Variants in MAPRE2 observed in about 807,000 individuals in gnomAD.
The protein encoded by MAPRE2 is microtubule associated protein RP/EB family member 2.
A neutral mutation model predicts 43.2 loss-of-function variants in MAPRE2; 13 were observed. That is an observed-to-expected ratio of 0.30 (90% CI 0.20 to 0.48). The LOEUF (loss-of-function observed/expected upper bound fraction) is 0.48, where lower values mean the gene tolerates loss of function less well. Among genes scored for constraint, MAPRE2 ranks in the 20% least tolerant of loss-of-function variants. MAPRE2 has a pLI of 0.99. For synonymous variants in MAPRE2, 135 were observed against 148.8 expected (o/e 0.91, Z 0.68); for missense variants, 161 against 400.2 (o/e 0.40, Z 5.10).
At chr18:35,128,206 G>A in intron 5 of MAPRE2, among the ~76,000 whole-genome samples, 1 of 152,228 alleles carries the variant, frequency 6.6e-6, no homozygotes, top group East Asian at 1.9e-4. Context: ...AAGCCATCCA[G>A]CAGGTAGGAC....
At position 34,991,239 on chromosome 18, in the gene MAPRE2, T is replaced by C. The variant is rs1189457038; in HGVS notation, c.-70+14160T>C. Among the ~76,000 whole-genome samples the C allele has an allele frequency of 3.3e-5, 5 of 152,252 alleles. No homozygotes were observed. The East Asian group carries it at 9.7e-4, about 29-fold the overall frequency. ...CAATTCCCTTTTGTAGTCCCCAGTGTCCATTGTTCCCGTCTTTACGTCTAT... is the reference window on the plus strand; with the variant it reads ...CAATTCCCTTTTGTAGTCCCCAGTGCCCATTGTTCCCGTCTTTACGTCTAT... On this transcript the variant is annotated intron_variant, in intron 1 of 7. Coordinates refer to the MAPRE2 transcript ENST00000413393.
chr18:35,092,186 C>A (rs1019891538), intron 2 of MAPRE2, among the ~76,000 whole-genome samples: 1 of 152,206 alleles, frequency 6.6e-6, no homozygotes, highest in Non-Finnish European at 1.5e-5. Context: ...TCCCACCAGG[C>A]CCCACCTCCA....
intron 1 of MAPRE2, among the ~76,000 whole-genome samples, chr18:35,063,705 A>G (rs75889337): frequency 6.6e-6 from 1 of 152,018 alleles, no homozygotes; most frequent in Non-Finnish European, 1.5e-5. Context: ...TAAAAACAAA[A>G]AAGTCAGGCT....
chr18:35,133,583 G>A (rs978588209), intron 6 of MAPRE2, among the ~76,000 whole-genome samples: 4 of 152,208 alleles, frequency 2.6e-5, no homozygotes, highest in East Asian at 1.9e-4. Context: ...AGTGAATGGC[G>A]CTGCTGTCTG....
chr18:35,107,105 T>TA (rs1908947445), intron 4 of MAPRE2, among the ~76,000 whole-genome samples: 3 of 152,164 alleles, frequency 2.0e-5, no homozygotes, highest in African/African-American at 7.2e-5. Context: ...TATATAAATA[T>TA]AGTGTGATAG....
intron 2 of MAPRE2, among the ~76,000 whole-genome samples, chr18:35,010,230 A>T (rs564393825): frequency 8.5e-5 from 13 of 152,266 alleles, no homozygotes; most frequent in Admixed American, 2.6e-4. Flanking sequence ...CTCTACAAAA[A>T]AAATAAATAA....
chr18:35,032,927 A>G (rs2097048535), intron 2 of MAPRE2, among the ~76,000 whole-genome samples: 1 of 152,134 alleles, frequency 6.6e-6, no homozygotes, highest in Admixed American at 6.6e-5. Flanking sequence ...GGAGCTTTTT[A>G]GTACAGATAG....
chr18:35,132,287 C>A, intron 6 of MAPRE2, 97 bp downstream of exon 6: 2 of 1,131,818 alleles, frequency 1.8e-6, no homozygotes, highest in Non-Finnish European at 2.5e-6. Flanking sequence ...CCCAGGACCT[C>A]AATGAGAATT....
intron 2 of MAPRE2, among the ~76,000 whole-genome samples, chr18:35,081,343 T>C (rs1907620384): frequency 6.6e-6 from 1 of 152,182 alleles, no homozygotes; most frequent in Non-Finnish European, 1.5e-5. Context: ...GCAAAGTATA[T>C]TTTGGGATTA....
intron 2 of MAPRE2, among the ~76,000 whole-genome samples, chr18:35,082,822 T>C (rs930685542): frequency 3.3e-5 from 5 of 152,158 alleles, no homozygotes; most frequent in Admixed American, 2.6e-4. Flanking sequence ...GAACTAACTG[T>C]ATGGAACTAA....
At chr18:34,992,229 A>G (rs1056164696) in intron 1 of MAPRE2, among the ~76,000 whole-genome samples, 5 of 152,230 alleles carry the variant, frequency 3.3e-5, no homozygotes, top group African/African-American at 9.6e-5. Context: ...TAGAGAAATG[A>G]TAAAGTGGAG....
chr18:35,040,934 C>T (rs1905310664), upstream of MAPRE2, among the ~76,000 whole-genome samples: 1 of 152,188 alleles, frequency 6.6e-6, no homozygotes, highest in Admixed American at 6.5e-5. Flanking sequence ...GGGAGAAAGG[C>T]AGAAATTTTA....
intron 1 of MAPRE2, among the ~76,000 whole-genome samples, chr18:35,066,301 G>A (rs1027400816): frequency 1.3e-5 from 2 of 152,144 alleles, no homozygotes; most frequent in African/African-American, 4.8e-5. Context: ...TTCCTGCCCT[G>A]CTTTCCTCCC....
intron 1 of MAPRE2, among the ~76,000 whole-genome samples, chr18:34,983,375 G>A (rs902241938): frequency 7.2e-5 from 11 of 152,128 alleles, no homozygotes; most frequent in South Asian, 4.1e-4. Flanking sequence ...ACTAGTAACC[G>A]TTTCCAGAGC....
chr18:35,061,495 C>G (rs1906525584), intron 1 of MAPRE2, among the ~76,000 whole-genome samples: 1 of 152,194 alleles, frequency 6.6e-6, no homozygotes, highest in Non-Finnish European at 1.5e-5. Context: ...CAGGGAGGGT[C>G]TGTGCCTGGA....
chr18:35,047,684 G>T (rs1905699018), intron 1 of MAPRE2, among the ~76,000 whole-genome samples: 2 of 148,644 alleles, frequency 1.3e-5, no homozygotes, highest in South Asian at 4.3e-4. Flanking sequence ...AGTTTTATAG[G>T]CCACCAATAA....
chr18:35,126,513 GA>G (rs1173619014), intron 4 of MAPRE2, among the ~76,000 whole-genome samples: 2 of 152,016 alleles, frequency 1.3e-5, no homozygotes, highest in African/African-American at 4.8e-5. Flanking sequence ...TTTTAAAAGA[GA>G]AAAAAATACA....
At chr18:35,075,839 T>C (rs139998474) in intron 2 of MAPRE2, among the ~76,000 whole-genome samples, 1 of 152,328 alleles carries the variant, frequency 6.6e-6, no homozygotes, top group African/African-American at 2.4e-5. Flanking sequence ...TAATATACTC[T>C]AGTGTCTCTA....
At chr18:35,070,460 A>T (rs1405056278) in intron 2 of MAPRE2, 138 bp downstream of exon 2, 8 of 672,096 alleles carry the variant, frequency 1.2e-5, no homozygotes, top group Non-Finnish European at 1.8e-5. Flanking sequence ...AGGGGGAAAA[A>T]CTCAGATATA....
Sources: allele counts gnomAD v4.1 joint callset (sites outside exome capture counted in the v4.1 genomes callset), GRCh38; gene constraint gnomAD v4.1.1; transcripts MANE v1.5; gene names NCBI Gene and HGNC (gene_info 2026-07-23, HGNC 2026-07-21).